Variants in MDFIC2 observed in about 807,000 individuals in gnomAD.
MDFIC2 encodes the protein myoD family inhibitor domain-containing protein 2.
Position 70,278,877 on chromosome 3 carries a change from A to C in MDFIC2, c.88+33009T>G, listed in dbSNP as rs116628952. ...GGGTTGTTGTAAAAACAAATGAAAT[A>C]ACAATTGTAACGTAGAGAGCTAGTG... On this transcript the variant is annotated intron_variant, in intron 2 of 3. Transcript: ENST00000567252. Among the ~76,000 whole-genome samples, 1,102 of 152,078 alleles carry C rather than the reference A, an allele frequency of 7.2e-3. 14 individuals carry two copies. Among genetic ancestry groups the C allele is most frequent in the African/African-American group, 0.025 (1,027 of 41,486 alleles).
rs76341401 is a variant in MDFIC2, at chr3:70,211,104, T to C, written c.89-4314A>G. On this transcript the variant is annotated intron_variant, in intron 2 of 3. Coordinates refer to ENST00000567252, the MANE Select transcript of MDFIC2 (RefSeq NM_001364677.1). ...TTTGACTCTTCATAGATAAAAGCAT[T>C]CAAATGATGAATAAGTACTAGGTCC... Among the ~76,000 whole-genome samples, 348 of 152,244 alleles carry C rather than the reference T, an allele frequency of 2.3e-3. 3 individuals carry two copies. The highest frequency in any genetic ancestry group is 8.2e-3 in the African/African-American group (341 of 41,574).
intron 2 of MDFIC2, among the ~76,000 whole-genome samples, chr3:70,256,784 A>G (rs2106657406): frequency 6.6e-6 from 1 of 152,318 alleles, no homozygotes; most frequent in East Asian, 1.9e-4. Flanking sequence ...CCAAGTTAAG[A>G]GTTCTCTAAA....
intron 2 of MDFIC2, among the ~76,000 whole-genome samples, chr3:70,246,042 TAGAC>T (rs1701705375): frequency 6.6e-6 from 1 of 151,794 alleles, no homozygotes; most frequent in African/African-American, 2.4e-5. Flanking sequence ...TATATGTAGA[TAGAC>T]AGATAGAGAG....
At position 70,195,244 on chromosome 3, in the gene MDFIC2, C is replaced by A. The variant is rs1701164453; in HGVS notation, c.*1682G>T. ...TTTTTCTTCTAATGATCTACAAGTT[C>A]TATGCATTGAGTATAGAGCTGTTTC... On this transcript the variant is annotated 3_prime_UTR_variant, in exon 4 of 4. Transcript: ENST00000567252. 6.6e-6 allele frequency among the ~76,000 whole-genome samples: 1 copy of A among 151,882 alleles called. No individual in the cohort carries two copies.
At chr3:70,239,657 A>T (rs1270890806) in intron 2 of MDFIC2, among the ~76,000 whole-genome samples, 3 of 152,142 alleles carry the variant, frequency 2.0e-5, no homozygotes, top group Non-Finnish European at 2.9e-5. Context: ...TCTTTGGTCA[A>T]ACAAAGGGAA....
chr3:70,228,652 G>A (rs1198050683), intron 2 of MDFIC2, among the ~76,000 whole-genome samples: 1 of 149,454 alleles, frequency 6.7e-6, no homozygotes, highest in Admixed American at 6.6e-5. Context: ...TTTTTAGTGT[G>A]GGGCTAAATG....
chr3:70,226,148 G>A (rs538858888), intron 2 of MDFIC2, among the ~76,000 whole-genome samples: 2 of 152,134 alleles, frequency 1.3e-5, no homozygotes, highest in Non-Finnish European at 2.9e-5. Context: ...TTTGAAGGAG[G>A]ACAGTAATCA....
intron 2 of MDFIC2, among the ~76,000 whole-genome samples, chr3:70,210,313 A>G (rs1393335256): frequency 1.3e-5 from 2 of 152,064 alleles, no homozygotes; most frequent in Admixed American, 6.6e-5. Context: ...AGTTATTTTA[A>G]TTCTATATCT....
chr3:70,254,433 G>C (rs1701796205), intron 2 of MDFIC2, among the ~76,000 whole-genome samples: 1 of 152,076 alleles, frequency 6.6e-6, no homozygotes, highest in Admixed American at 6.5e-5. Flanking sequence ...GAAATAACAT[G>C]ATCCATTTTA....
intron 2 of MDFIC2, among the ~76,000 whole-genome samples, chr3:70,261,623 T>G (rs1701867430): frequency 6.6e-6 from 1 of 152,200 alleles, no homozygotes; most frequent in Admixed American, 6.6e-5. Context: ...CTTTCTTCAC[T>G]TTCAACAATT....
intron 2 of MDFIC2, among the ~76,000 whole-genome samples, chr3:70,259,840 G>A (rs1701849229): frequency 1.3e-5 from 2 of 152,148 alleles, no homozygotes; most frequent in Admixed American, 1.3e-4. Context: ...GCACAGCTGG[G>A]GAGGTCTCAG....
intron 2 of MDFIC2, among the ~76,000 whole-genome samples, chr3:70,235,078 G>GA (rs1168683776): frequency 6.6e-6 from 1 of 152,220 alleles, no homozygotes. Context: ...CTTTGCTGCA[G>GA]AATGTCCTTG....
chr3:70,243,005 A>G (rs1205840725), intron 2 of MDFIC2, among the ~76,000 whole-genome samples: 2 of 152,224 alleles, frequency 1.3e-5, no homozygotes, highest in Admixed American at 1.3e-4. Context: ...GCAGAACGAT[A>G]TAACCGTTTT....
chr3:70,276,580 C>T (rs992550109), intron 2 of MDFIC2, among the ~76,000 whole-genome samples: 1 of 152,108 alleles, frequency 6.6e-6, no homozygotes, highest in African/African-American at 2.4e-5. Flanking sequence ...GTGTTAGACA[C>T]CTACCTGAGG....
At chr3:70,246,834 C>T (rs1000647380) in intron 2 of MDFIC2, among the ~76,000 whole-genome samples, 1 of 151,946 alleles carries the variant, frequency 6.6e-6, no homozygotes, top group Non-Finnish European at 1.5e-5. Flanking sequence ...TTTTGTCACC[C>T]TTAAAACAAC....
intron 2 of MDFIC2, among the ~76,000 whole-genome samples, chr3:70,219,100 C>T (rs1373386345): frequency 2.0e-5 from 3 of 152,154 alleles, no homozygotes; most frequent in Non-Finnish European, 4.4e-5. Context: ...ATAGTCAAGG[C>T]TTTCAAGTTT....
chr3:70,308,722 A>T (rs1021058005), intron 2 of MDFIC2, among the ~76,000 whole-genome samples: 3 of 152,170 alleles, frequency 2.0e-5, no homozygotes, highest in African/African-American at 7.2e-5. Context: ...AGTCTCTCCA[A>T]TTAATAACAC....
chr3:70,246,283 C>T (rs898714253), intron 2 of MDFIC2, among the ~76,000 whole-genome samples: 2 of 152,064 alleles, frequency 1.3e-5, no homozygotes, highest in African/African-American at 4.8e-5. Context: ...AAAGGTCACA[C>T]TTTGTTACTT....
intron 2 of MDFIC2, among the ~76,000 whole-genome samples, chr3:70,294,424 A>G (rs2106696073): frequency 6.6e-6 from 1 of 152,304 alleles, no homozygotes; most frequent in African/African-American, 2.4e-5. Context: ...ACGTAGGAGA[A>G]TATAGAAAGG....
Sources: allele counts gnomAD v4.1 joint callset (sites outside exome capture counted in the v4.1 genomes callset), GRCh38; gene constraint gnomAD v4.1.1; transcripts MANE v1.5; gene names NCBI Gene and HGNC (gene_info 2026-07-23, HGNC 2026-07-21).